Variants in MARCHF8 observed in about 807,000 individuals in gnomAD.
MARCHF8 encodes the protein E3 ubiquitin-protein ligase MARCHF8.
Under a neutral mutation model 51.6 loss-of-function variants are expected in MARCHF8, and 40 were observed. The observed-to-expected ratio is 0.77, with a 90% CI of 0.60 to 1.01. The LOEUF is 1.01. Ranked by LOEUF, MARCHF8 falls within the 50% of genes least tolerant of loss-of-function variation. The pLI is 0.00. For synonymous variants in MARCHF8, 263 were observed against 280.3 expected (o/e 0.94, Z 0.62); for missense variants, 685 against 708.6 (o/e 0.97, Z 0.38).
intron 3 of MARCHF8, among the ~76,000 whole-genome samples, chr10:45,465,966 CA>C (rs1842953047): frequency 1.3e-5 from 2 of 152,302 alleles, no homozygotes; most frequent in South Asian, 4.1e-4. Context: ...CTTCCTGAAA[CA>C]AAATGAAAGA....
chr10:45,576,625 T>C (rs967203208), intron 1 of MARCHF8, among the ~76,000 whole-genome samples: 3 of 152,042 alleles, frequency 2.0e-5, no homozygotes, highest in Non-Finnish European at 4.4e-5. Context: ...AATTCTCATG[T>C]TGAAACTTAA....
At chr10:45,550,589 G>A (rs1213263681) in intron 1 of MARCHF8, among the ~76,000 whole-genome samples, 1 of 152,106 alleles carries the variant, frequency 6.6e-6, no homozygotes, top group Non-Finnish European at 1.5e-5. Context: ...AAAAACCAGA[G>A]CAGAATTTGC....
At chr10:45,565,980 T>C (rs180765817) in intron 1 of MARCHF8, among the ~76,000 whole-genome samples, 3 of 152,336 alleles carry the variant, frequency 2.0e-5, no homozygotes, top group East Asian at 1.9e-4. Flanking sequence ...CTAATACATG[T>C]ATTTTCTCCA....
At chr10:45,507,695 G>A (rs999134050) in intron 2 of MARCHF8, among the ~76,000 whole-genome samples, 25 of 152,018 alleles carry the variant, frequency 1.6e-4, no homozygotes, top group African/African-American at 6.0e-4. Context: ...ATGAAATTTG[G>A]AGGGGACAAA....
chr10:45,516,635 G>A (rs572958731), intron 2 of MARCHF8, among the ~76,000 whole-genome samples: 1 of 152,258 alleles, frequency 6.6e-6, no homozygotes, highest in South Asian at 2.1e-4. Context: ...GTGGTGGCAC[G>A]TGCCTGTAAT....
intron 1 of MARCHF8, among the ~76,000 whole-genome samples, chr10:45,573,329 G>C (rs1472331982): frequency 1.3e-5 from 2 of 152,146 alleles, no homozygotes; most frequent in South Asian, 4.1e-4. Context: ...CAATAATAAA[G>C]TAGAGGCAGC....
intron 3 of MARCHF8, among the ~76,000 whole-genome samples, chr10:45,474,770 G>C (rs2042755961): frequency 6.6e-6 from 1 of 152,176 alleles, no homozygotes; most frequent in African/African-American, 2.4e-5. Flanking sequence ...GGCAAGGAGA[G>C]GGCAGTCAGG....
At chr10:45,518,307 A>T (rs1715345661) in intron 2 of MARCHF8, among the ~76,000 whole-genome samples, 1 of 152,208 alleles carries the variant, frequency 6.6e-6, no homozygotes, top group Non-Finnish European at 1.5e-5. Context: ...ACAGTGCCAC[A>T]TCAGTACAGA....
chr10:45,585,335 T>A (rs2044607017), intron 1 of MARCHF8, among the ~76,000 whole-genome samples: 2 of 152,156 alleles, frequency 1.3e-5, no homozygotes, highest in African/African-American at 4.8e-5. Context: ...GACAATCCAG[T>A]CATTCATCAG....
chr10:45,553,817 G>A (rs2044222314), intron 1 of MARCHF8, among the ~76,000 whole-genome samples: 1 of 146,156 alleles, frequency 6.8e-6, no homozygotes, highest in South Asian at 2.2e-4. Context: ...ATACGTGTGT[G>A]CACATGCATG....
rs972730977 is a variant in MARCHF8, at chr10:45,455,076, C to T, written c.*3163G>A. On this transcript the variant is annotated 3_prime_UTR_variant, in exon 8 of 8. Transcript: ENST00000453424. ...CGGTTGGTCCCAGCCCTTCTCCAAC[C>T]CTGAAGCCCACAGCAGGGGTGCAGA... The T allele has an allele frequency of 1.3e-5, 2 of 152,240 alleles. No homozygotes were observed. The highest frequency in any genetic ancestry group is 4.1e-4 in the South Asian group (2 of 4,826). 9.4% of individuals were successfully genotyped at this position (152,240 alleles called of 1,614,324 possible).
At chr10:45,583,109 G>T (rs2044573687) in intron 1 of MARCHF8, among the ~76,000 whole-genome samples, 1 of 152,124 alleles carries the variant, frequency 6.6e-6, no homozygotes, top group Admixed American at 6.5e-5. Flanking sequence ...AATAGAGTTT[G>T]CCTCTATTTT....
At chr10:45,556,784 C>T (rs1358713486) in intron 1 of MARCHF8, among the ~76,000 whole-genome samples, 4 of 152,180 alleles carry the variant, frequency 2.6e-5, no homozygotes, top group Admixed American at 1.3e-4. Context: ...ATTCTGTTTG[C>T]TATACTTCTC....
intron 2 of MARCHF8, among the ~76,000 whole-genome samples, chr10:45,498,580 A>G (rs2043219124): frequency 6.6e-6 from 1 of 152,066 alleles, no homozygotes; most frequent in South Asian, 2.1e-4. Context: ...GGTTCAAGCA[A>G]TTCTCCTGAC....
intron 3 of MARCHF8, among the ~76,000 whole-genome samples, chr10:45,473,945 A>T (rs1481467140): frequency 6.6e-6 from 1 of 152,094 alleles, no homozygotes; most frequent in African/African-American, 2.4e-5. Flanking sequence ...CACCTCTCAC[A>T]TCTGCTTTAC....
chr10:45,584,006 C>CAAA (rs67624741), intron 1 of MARCHF8, among the ~76,000 whole-genome samples: 4 of 53,034 alleles, frequency 7.5e-5, no homozygotes, highest in African/African-American at 1.5e-4. Flanking sequence ...ACTTCATTTC[C>CAAA]AAAAAAAAAA....
intron 2 of MARCHF8, among the ~76,000 whole-genome samples, chr10:45,525,449 A>C (rs190032407): frequency 1.8e-3 from 280 of 152,310 alleles, no homozygotes; most frequent in African/African-American, 6.2e-3. Flanking sequence ...AGGGCAGAAA[A>C]TTGAAAAATG....
chr10:45,568,004 T>C (rs1191995465), intron 1 of MARCHF8, among the ~76,000 whole-genome samples: 3 of 152,208 alleles, frequency 2.0e-5, no homozygotes, highest in African/African-American at 4.8e-5. Flanking sequence ...TTCATTTATT[T>C]GGGTAATTCC....
chr10:45,517,091 C>T, intron 2 of MARCHF8, among the ~76,000 whole-genome samples: 1 of 152,206 alleles, frequency 6.6e-6, no homozygotes, highest in South Asian at 2.1e-4. Context: ...TGGTGAGTAG[C>T]ACAACAAGAA....
Sources: gnomAD v4.1 joint callset for allele counts (sites outside exome capture counted in the v4.1 genomes callset) on GRCh38, gnomAD v4.1.1 for gene constraint, MANE v1.5 for transcripts, NCBI Gene and HGNC (gene_info 2026-07-23, HGNC 2026-07-21) for gene names.